COMMD1: variants seen among roughly 807,000 people sequenced by gnomAD.
The protein encoded by COMMD1 is COMM domain-containing protein 1.
In COMMD1, 10 loss-of-function variants were observed where a neutral mutation model predicts 17.2. The ratio of observed to expected loss-of-function variants is 0.58; its 90% CI spans 0.36 to 0.99. COMMD1 has a LOEUF of 0.99. COMMD1 is among the 50% of genes least tolerant of loss of function. The pLI is 0.01. For synonymous variants in COMMD1, 97 were observed against 91.6 expected (o/e 1.06, Z -0.34); for missense variants, 270 against 231.8 (o/e 1.17, Z -1.07).
intron 1 of COMMD1, among the ~76,000 whole-genome samples, chr2:61,951,284 C>T (rs1455260423): frequency 6.6e-5 from 10 of 151,940 alleles, no homozygotes; most frequent in Admixed American, 3.3e-4. Context: ...GCAAATGTGG[C>T]GAAACTTTGT....
intron 1 of COMMD1, among the ~76,000 whole-genome samples, chr2:61,899,137 T>G (rs1459831758): frequency 6.6e-6 from 1 of 152,122 alleles, no homozygotes. Flanking sequence ...GGCATAAGGA[T>G]TATTTTGAGC....
At chr2:62,130,655 GTTTTA>G (rs1213241915) in intron 2 of COMMD1, among the ~76,000 whole-genome samples, 2 of 152,108 alleles carry the variant, frequency 1.3e-5, no homozygotes, top group Non-Finnish European at 2.9e-5. Context: ...TAGGACTGTT[GTTTTA>G]TTTTATGTTG....
At chr2:62,023,928 T>C (rs1361532850) in intron 2 of COMMD1, among the ~76,000 whole-genome samples, 1 of 152,164 alleles carries the variant, frequency 6.6e-6, no homozygotes, top group Non-Finnish European at 1.5e-5. Context: ...AAAAAATCAG[T>C]GTTGTTACAG....
intron 2 of COMMD1, among the ~76,000 whole-genome samples, chr2:62,105,669 T>G (rs1164514487): frequency 6.6e-6 from 1 of 152,062 alleles, no homozygotes; most frequent in African/African-American, 2.4e-5. Context: ...ACTAAAAATA[T>G]GAAAATTAGC....
intron 2 of COMMD1, among the ~76,000 whole-genome samples, chr2:62,125,211 G>C (rs1465139817): frequency 1.3e-5 from 2 of 152,180 alleles, no homozygotes; most frequent in Non-Finnish European, 2.9e-5. Flanking sequence ...TCCTCTAGAA[G>C]ATTCTGTGAC....
chr2:61,983,483 C>T (rs766109922), intron 1 of COMMD1, among the ~76,000 whole-genome samples: 3 of 152,048 alleles, frequency 2.0e-5, no homozygotes, highest in Non-Finnish European at 4.4e-5. Context: ...AGCCACTGCT[C>T]CCGGCCTATA....
intron 1 of COMMD1, among the ~76,000 whole-genome samples, chr2:61,933,758 G>GTTTTTCTT (rs989961439): frequency 7.8e-6 from 1 of 127,474 alleles, no homozygotes; most frequent in African/African-American, 3.7e-5. Context: ...AGCAACTTTT[G>GTTTTTCTT]TTTTTCTTTT....
intron 1 of COMMD1, among the ~76,000 whole-genome samples, chr2:61,963,190 T>TATACACACACACACACACACAC (rs1280301014): frequency 2.2e-5 from 3 of 136,378 alleles, no homozygotes; most frequent in Admixed American, 7.4e-5. Flanking sequence ...ATATATTATA[T>TATACACACACACACACACACAC]ACACACACAC....
chr2:61,924,208 C>T, intron 1 of COMMD1, among the ~76,000 whole-genome samples: 1 of 152,162 alleles, frequency 6.6e-6, no homozygotes, highest in East Asian at 1.9e-4. Flanking sequence ...CCACTCTTAC[C>T]TCTGGTAAGG....
intron 2 of COMMD1, among the ~76,000 whole-genome samples, chr2:62,028,516 T>A (rs1411658036): frequency 6.6e-6 from 1 of 152,194 alleles, no homozygotes; most frequent in Non-Finnish European, 1.5e-5. Flanking sequence ...TGGGAGGTCA[T>A]GAGCCATGAC....
At chr2:61,933,772 C>CTTTTTTTTTTTTTTTT (rs61702772) in intron 1 of COMMD1, among the ~76,000 whole-genome samples, 1 of 148,586 alleles carries the variant, frequency 6.7e-6, no homozygotes, top group Non-Finnish European at 1.5e-5. Context: ...TTCTTTTTTT[C>CTTTTTTTTTTTTTTTT]TTTTTTTTGA....
At chr2:62,115,832 T>TC (rs1553393453) in intron 2 of COMMD1, among the ~76,000 whole-genome samples, 2 of 135,176 alleles carry the variant, frequency 1.5e-5, no homozygotes, top group South Asian at 2.2e-4. Flanking sequence ...TGGGTTTTTT[T>TC]TTTCTTTCTT....
chr2:61,974,658 C>T (rs1224893854), intron 1 of COMMD1, among the ~76,000 whole-genome samples: 12 of 131,506 alleles, frequency 9.1e-5, no homozygotes, highest in Non-Finnish European at 1.7e-4. Context: ...GGCGACAGAG[C>T]GAGACTCCAT....
At chr2:61,942,884 T>A (rs1434887635) in intron 1 of COMMD1, among the ~76,000 whole-genome samples, 1 of 152,098 alleles carries the variant, frequency 6.6e-6, no homozygotes, top group African/African-American at 2.4e-5. Flanking sequence ...TGGTACCTTG[T>A]GGCCAAAAAC....
At chr2:62,087,055 C>G (rs1199923759) in intron 2 of COMMD1, among the ~76,000 whole-genome samples, 3 of 152,028 alleles carry the variant, frequency 2.0e-5, no homozygotes, top group African/African-American at 4.8e-5. Flanking sequence ...AACTCCTGAC[C>G]TCAAATGACC....
At chr2:62,135,745 G>C in intron 2 of COMMD1, 86 bp from the exon 3 acceptor site, 1 of 771,804 alleles carries the variant, frequency 1.3e-6, no homozygotes, top group East Asian at 2.5e-5. Flanking sequence ...GCTGGATTGG[G>C]ACCCTGGGTA....
intron 2 of COMMD1, among the ~76,000 whole-genome samples, chr2:62,012,707 G>A (rs780646235): frequency 1.6e-4 from 25 of 151,970 alleles, no homozygotes; most frequent in Non-Finnish European, 2.4e-4. Context: ...TTTTCAGCCC[G>A]CTGTCAGTAA....
chr2:61,925,173 T>G (rs974074402), intron 1 of COMMD1, among the ~76,000 whole-genome samples: 6 of 146,296 alleles, frequency 4.1e-5, no homozygotes, highest in Admixed American at 6.8e-5. Context: ...GGGAGAGGGG[T>G]GTTAGGGGAG....
chr2:61,906,196 G>T (rs1417251662), intron 1 of COMMD1, among the ~76,000 whole-genome samples: 1 of 152,160 alleles, frequency 6.6e-6, no homozygotes, highest in African/African-American at 2.4e-5. Flanking sequence ...AGAGTTTTAG[G>T]TCGCTAGCTT....
Sources: gnomAD v4.1 joint callset for allele counts (sites outside exome capture counted in the v4.1 genomes callset) on GRCh38, gnomAD v4.1.1 for gene constraint, MANE v1.5 for transcripts, NCBI Gene and HGNC (gene_info 2026-07-23, HGNC 2026-07-21) for gene names.